RNLS: variants seen among roughly 807,000 people sequenced by gnomAD.
RNLS encodes the protein renalase.
RNLS carries 39 observed loss-of-function variants against 39.8 expected under a neutral mutation model. The observed-to-expected ratio is 0.98, with a 90% CI of 0.76 to 1.28. The LOEUF (loss-of-function observed/expected upper bound fraction) is 1.28. Among genes scored for constraint, RNLS ranks in the 50% most tolerant of loss-of-function variants. RNLS has a pLI of 0.00. For missense variants in RNLS, 410 were observed against 413.3 expected, an observed-to-expected ratio of 0.99 and a Z score of 0.07; for synonymous variants, 147 against 150.7, an observed-to-expected ratio of 0.98 and a Z score of 0.18.
intron 4 of RNLS, among the ~76,000 whole-genome samples, chr10:88,377,251 C>T (rs896933275): frequency 6.9e-5 from 10 of 144,090 alleles, no homozygotes; most frequent in Non-Finnish European, 1.6e-4. Flanking sequence ...TACACACACA[C>T]ACACACACGC....
At chr10:88,200,854 C>T in the RNLS span, among the ~76,000 whole-genome samples, 50 of 152,236 alleles carry the variant, frequency 3.3e-4, no homozygotes, top group South Asian at 5.6e-3. Flanking sequence ...CTCCTGGTCC[C>T]GGGAAGTGGT....
intron 5 of RNLS, chr10:88,343,856 C>T (rs1027305293): frequency 7.2e-6 from 7 of 976,602 alleles, no homozygotes; most frequent in Middle Eastern, 5.3e-4. Flanking sequence ...TTAATTGAAA[C>T]GTCCCTGGAG....
At chr10:88,334,656 G>A (rs1211624415) in intron 5 of RNLS, among the ~76,000 whole-genome samples, 2 of 152,108 alleles carry the variant, frequency 1.3e-5, no homozygotes, top group East Asian at 3.8e-4. Flanking sequence ...CTATTTGTCT[G>A]TCTCCCCTCT....
At chr10:88,187,010 G>A in the RNLS span, among the ~76,000 whole-genome samples, 1 of 151,282 alleles carries the variant, frequency 6.6e-6, no homozygotes, top group Non-Finnish European at 1.5e-5. Context: ...ACAACACTGA[G>A]CACTCAAATC....
chr10:88,395,891 T>C (rs1178679353), intron 4 of RNLS, among the ~76,000 whole-genome samples: 3 of 152,106 alleles, frequency 2.0e-5, no homozygotes, highest in Non-Finnish European at 4.4e-5. Flanking sequence ...GATTAGCAGC[T>C]GATTTCTCAT....
At chr10:88,431,749 T>C (rs1347767737) in intron 4 of RNLS, among the ~76,000 whole-genome samples, 2 of 151,860 alleles carry the variant, frequency 1.3e-5, no homozygotes, top group Admixed American at 6.6e-5. Context: ...AAGTATGTTA[T>C]GTAGTTTTTC....
intron 4 of RNLS, among the ~76,000 whole-genome samples, chr10:88,505,895 G>T (rs899783329): frequency 2.6e-5 from 4 of 152,102 alleles, no homozygotes; most frequent in African/African-American, 9.7e-5. Flanking sequence ...AAACCCAGTG[G>T]TTCTCAAAGT....
Position 88,322,422 on chromosome 10 carries a change from C to T in RNLS, c.701-7781G>A, listed in dbSNP as rs1413350812. ...ATCTCAAATTGTAATCCCCATGTGTCGGGGGTTGGGGGTGATTAGGTCATG... is the reference window on the plus strand; with the variant it reads ...ATCTCAAATTGTAATCCCCATGTGTTGGGGGTTGGGGGTGATTAGGTCATG... On this transcript the variant is annotated intron_variant, in intron 5 of 6. Coordinates refer to ENST00000331772, the MANE Select transcript of RNLS (RefSeq NM_001031709.3). Among the ~76,000 whole-genome samples the T allele has an allele frequency of 3.3e-5, 5 of 152,068 alleles. No homozygotes were observed. In the East Asian group the frequency reaches 5.8e-4, roughly 18 times the overall value.
At chr10:88,396,685 C>T (rs1589724205) in intron 4 of RNLS, among the ~76,000 whole-genome samples, 1 of 134,566 alleles carries the variant, frequency 7.4e-6, no homozygotes, top group African/African-American at 2.8e-5. Flanking sequence ...TGATTTAAGG[C>T]TTAGTTTGGC....
intron 5 of RNLS, among the ~76,000 whole-genome samples, chr10:88,330,758 C>T (rs917994148): frequency 1.3e-5 from 2 of 151,898 alleles, no homozygotes; most frequent in East Asian, 1.9e-4. Context: ...ATGCAACATC[C>T]TTTACAATTT....
the RNLS span, among the ~76,000 whole-genome samples, chr10:88,184,255 C>G: frequency 6.6e-6 from 1 of 152,114 alleles, no homozygotes; most frequent in Admixed American, 6.6e-5. Context: ...CATTCAAGTT[C>G]CAGCTTATTG....
intron 4 of RNLS, among the ~76,000 whole-genome samples, chr10:88,429,460 G>C (rs1416782129): frequency 6.6e-6 from 1 of 151,810 alleles, no homozygotes; most frequent in Non-Finnish European, 1.5e-5. Flanking sequence ...TGGAGTTCAC[G>C]TTCATCATCT....
chr10:88,560,099 A>G (rs1222286636), intron 4 of RNLS, among the ~76,000 whole-genome samples: 1 of 152,112 alleles, frequency 6.6e-6, no homozygotes, highest in South Asian at 2.1e-4. Context: ...TAATTCTTCT[A>G]TTAGGAAGAC....
rs560312708 is a variant in RNLS, at chr10:88,392,080, T to TTA, written c.527-29357_527-29356dup. Among the ~76,000 whole-genome samples, 22 of 152,374 alleles carry TTA rather than the reference T, an allele frequency of 1.4e-4. No homozygotes were observed. The South Asian group carries it at 4.1e-3, about 29-fold the overall frequency. ...TAATATTGTCTCTATGTGACTTGACTTAGAGTTCACCCAATGTGAATATTT... is the reference window on the plus strand; with the variant it reads ...TAATATTGTCTCTATGTGACTTGACTTATAGAGTTCACCCAATGTGAATATTT... On this transcript the variant is annotated intron_variant, in intron 4 of 6. Transcript: ENST00000331772.
the RNLS span, among the ~76,000 whole-genome samples, chr10:88,175,213 G>A: frequency 0.014 from 2,132 of 151,558 alleles, 29 homozygotes; most frequent in Non-Finnish European, 0.022. Flanking sequence ...TGAATTTTTT[G>A]TTCATCTTTT....
intron 5 of RNLS, among the ~76,000 whole-genome samples, chr10:88,341,587 T>C (rs541158352): frequency 1.6e-4 from 24 of 152,210 alleles, no homozygotes; most frequent in African/African-American, 5.3e-4. Flanking sequence ...AAACGTGCCA[T>C]ATAATTATTT....
chr10:88,271,067 C>T (rs181110813), downstream of RNLS, among the ~76,000 whole-genome samples: 3 of 152,124 alleles, frequency 2.0e-5, no homozygotes, highest in Non-Finnish European at 4.4e-5. Context: ...TGGTCTTGAT[C>T]ATTTCCTCTG....
intron 5 of RNLS, among the ~76,000 whole-genome samples, chr10:88,327,496 C>T (rs1257645930): frequency 6.6e-6 from 1 of 152,212 alleles, no homozygotes; most frequent in East Asian, 1.9e-4. Context: ...AAGGTTGCTT[C>T]CCCTTTGCCT....
At position 88,555,777 on chromosome 10, in the gene RNLS, T is replaced by A. The variant is rs60473144; in HGVS notation, c.526+17126A>T. 4.2e-3 allele frequency among the ~76,000 whole-genome samples: 636 copies of A among 152,226 alleles called. 6 individuals carry two copies. Among genetic ancestry groups the A allele is most frequent in the African/African-American group, 0.014 (569 of 41,528 alleles). ...TGACTTCCTCCTTCTTCAAACACTT[T>A]CTTGGCCTATGGGACAACATACATG... On this transcript the variant is annotated intron_variant, in intron 4 of 6. Transcript: ENST00000331772.
Sources: allele counts gnomAD v4.1 joint callset (sites outside exome capture counted in the v4.1 genomes callset), GRCh38; gene constraint gnomAD v4.1.1; transcripts MANE v1.5; gene names NCBI Gene and HGNC (gene_info 2026-07-23, HGNC 2026-07-21).